Variants in ATP11A observed in about 807,000 individuals in gnomAD.
ATP11A encodes ATPase phospholipid transporting 11A, also known as phospholipid-transporting ATPase IH.
In ATP11A, 81 loss-of-function variants were observed where a neutral mutation model predicts 154.4. The observed-to-expected ratio is 0.52, with a 90% CI of 0.44 to 0.63. ATP11A has a LOEUF of 0.63. Ranked by LOEUF, ATP11A falls within the 30% of genes least tolerant of loss-of-function variation. The probability of loss-of-function intolerance (pLI) is 0.00; values close to 1 mark genes in which losing one functional copy is unlikely to be tolerated. For missense variants in ATP11A, 1,316 were observed against 1,474.3 expected, an observed-to-expected ratio of 0.89 and a Z score of 1.76; for synonymous variants, 623 against 585.9, an observed-to-expected ratio of 1.06 and a Z score of -0.91.
intron 1 of ATP11A, among the ~76,000 whole-genome samples, chr13:112,751,002 G>C (rs383426): frequency 0.57 from 86,781 of 152,086 alleles, 25,132 homozygotes; most frequent in African/African-American, 0.65. Context: ...TCCCACTTTA[G>C]AGATGGGAAT....
At position 112,883,412 on chromosome 13, in the gene ATP11A, G is replaced by A. The variant is rs149471516; in HGVS notation, c.*1546G>A. On this transcript the variant is annotated 3_prime_UTR_variant, in exon 30 of 30. Transcript: ENST00000375645. ...CTTTCAGGAAAGCACCACCAACGCT[G>A]GAGGAGGAGCCGGCCCTCACGCCCG... The A allele has an allele frequency of 1.3e-5, 5 of 387,338 alleles. No individual in the cohort carries two copies. The highest frequency in any genetic ancestry group is 1.8e-5 in the Non-Finnish European group (4 of 219,274). The allele number at this position is 387,338 out of a possible 1,614,324, so 24.0% of individuals were successfully genotyped here.
At chr13:112,714,617 G>A (rs979228151) in intron 1 of ATP11A, among the ~76,000 whole-genome samples, 8 of 152,220 alleles carry the variant, frequency 5.3e-5, no homozygotes, top group Admixed American at 3.3e-4. Flanking sequence ...TGGAATACGC[G>A]TTCTGCGTGA....
intron 24 of ATP11A, 103 bp downstream of exon 24, chr13:112,860,517 A>T: frequency 2.2e-6 from 3 of 1,393,228 alleles, no homozygotes; most frequent in South Asian, 2.6e-5. Flanking sequence ...GTTGAGGGCC[A>T]GAAGCATTCG....
rs552392043 is a variant in ATP11A at position 112,831,895 on chromosome 13, C to T, written c.1395+347C>T. On this transcript the variant is annotated intron_variant, in intron 13 of 29. Coordinates refer to ENST00000375645, the MANE Select transcript of ATP11A (RefSeq NM_015205.3). ...GTGCACACACACACATGCAGACACA[C>T]GCACTCACACATGCCCAGACACTGT... Among the ~76,000 whole-genome samples, 21 of 152,022 alleles carry T rather than the reference C, an allele frequency of 1.4e-4. No individual in the cohort carries two copies. The South Asian group carries it at 1.9e-3, about 14-fold the overall frequency.
chr13:112,826,080 G>A (rs921987031), intron 11 of ATP11A, among the ~76,000 whole-genome samples: 4 of 151,632 alleles, frequency 2.6e-5, no homozygotes, highest in Non-Finnish European at 5.9e-5. Flanking sequence ...CTATAGCAGG[G>A]CCGTGTGCAA....
intron 1 of ATP11A, among the ~76,000 whole-genome samples, chr13:112,750,804 C>G (rs1032330357): frequency 6.6e-6 from 1 of 152,228 alleles, no homozygotes; most frequent in Non-Finnish European, 1.5e-5. Context: ...GACTTCTGAC[C>G]TCTTCTGGGT....
Position 112,816,079 on chromosome 13 carries a change from G to A in ATP11A, c.442-4G>A, listed in dbSNP as rs763982979. The A allele has an allele frequency of 1.9e-6, 3 of 1,614,056 alleles. No homozygotes were observed. Among genetic ancestry groups the A allele is most frequent in the Admixed American group, 1.7e-5 (1 of 60,010 alleles). Reference sequence around the variant, plus strand: ...TTGACCATCCTTTCTGCTTTGTCCTGTAGGTTGGGGACATTGTCATGGTTA... The same window carrying A: ...TTGACCATCCTTTCTGCTTTGTCCTATAGGTTGGGGACATTGTCATGGTTA... On this transcript the variant is annotated splice_polypyrimidine_tract_variant and splice_region_variant and intron_variant, in intron 5 of 29. Coordinates refer to ENST00000375645, the MANE Select transcript of ATP11A (RefSeq NM_015205.3).
chr13:112,740,126 TTCTCTCTCTC>T (rs71208910), intron 1 of ATP11A, among the ~76,000 whole-genome samples: 2 of 142,376 alleles, frequency 1.4e-5, no homozygotes, highest in African/African-American at 5.2e-5. Context: ...AGCATGTGAA[TTCTCTCTCTC>T]TCTCTCTCTC....
At chr13:112,699,238 A>G (rs749501863) in intron 1 of ATP11A, among the ~76,000 whole-genome samples, 24 of 152,260 alleles carry the variant, frequency 1.6e-4, no homozygotes, top group Non-Finnish European at 2.5e-4. Context: ...CTCAAGGATA[A>G]AGACCACTTA....
intron 1 of ATP11A, among the ~76,000 whole-genome samples, chr13:112,734,651 C>A (rs540096082): frequency 6.6e-6 from 1 of 152,270 alleles, no homozygotes; most frequent in Admixed American, 6.5e-5. Flanking sequence ...CTGTACTTTT[C>A]ATAAATTAGT....
In ATP11A at chr13:112,785,517, G is replaced by T. The variant is rs191241611; in HGVS notation, c.162+260G>T. 1.2e-3 allele frequency among the ~76,000 whole-genome samples: 188 copies of T among 152,160 alleles called. No homozygotes were observed. In the East Asian group the frequency reaches 0.013, roughly 10 times the overall value. On this transcript the variant is annotated intron_variant, in intron 2 of 29. Transcript: ENST00000375645. The surrounding 1 kb of genome is among the most constrained non-coding windows in gnomAD (Gnocchi z 4.8). ...ATTCTCGGGTGACCGTGCCACAGAG[G>T]CAGTGCAGGTCTGAAGTCCAGGATC... is the stretch of plus-strand genomic sequence containing the variant.
chr13:112,722,470 GA>G (rs543512329), intron 1 of ATP11A, among the ~76,000 whole-genome samples: 40 of 152,292 alleles, frequency 2.6e-4, no homozygotes, highest in African/African-American at 9.6e-4. Flanking sequence ...GTTTCAGGGA[GA>G]ATGAATAGAT....
intron 2 of ATP11A, among the ~76,000 whole-genome samples, chr13:112,795,245 AAAAT>A (rs1166713984): frequency 6.6e-6 from 1 of 152,240 alleles, no homozygotes; most frequent in African/African-American, 2.4e-5. Flanking sequence ...ACTTCATCTC[AAAAT>A]AAATAAATAA....
chr13:112,711,481 G>A (rs1031341332), intron 1 of ATP11A, among the ~76,000 whole-genome samples: 4 of 151,852 alleles, frequency 2.6e-5, no homozygotes, highest in African/African-American at 7.3e-5. Flanking sequence ...AACTCAAAGG[G>A]GAGGAACCTG....
chr13:112,836,384 C>A, intron 16 of ATP11A, 133 bp downstream of exon 16: 2 of 532,558 alleles, frequency 3.8e-6, no homozygotes, highest in Non-Finnish European at 6.4e-6. Context: ...AAACTATAGA[C>A]AAATCCTCTC....
At chr13:112,735,263 T>C (rs966397920) in intron 1 of ATP11A, among the ~76,000 whole-genome samples, 2 of 152,136 alleles carry the variant, frequency 1.3e-5, no homozygotes, top group Admixed American at 1.3e-4. Context: ...GTTTCAAGAA[T>C]GTTGAGATTG....
In ATP11A at chr13:112,838,543, T is replaced by C. The variant is rs2079304422; in HGVS notation, c.1705+2292T>C. The stretch of plus-strand genomic sequence containing the variant: ...CCCCGGAGCTGGCCCTGCCACACGC[T>C]CACAAGGGGTTTTTGCTGCATCCTG... On this transcript the variant is annotated intron_variant, in intron 16 of 29. Coordinates refer to ENST00000375645, the MANE Select transcript of ATP11A (RefSeq NM_015205.3). This position sits in a 1 kb window ranked among gnomAD's most constrained non-coding sequence, Gnocchi z 7.3. 1.3e-5 allele frequency among the ~76,000 whole-genome samples: 2 copies of C among 152,184 alleles called. No homozygotes were observed. Among genetic ancestry groups the C allele is most frequent in the Admixed American group, 6.5e-5 (1 of 15,280 alleles).
At chr13:112,716,735 GC>G (rs1197319440) in intron 1 of ATP11A, among the ~76,000 whole-genome samples, 1 of 152,206 alleles carries the variant, frequency 6.6e-6, no homozygotes, top group Non-Finnish European at 1.5e-5. Context: ...CAGTGACGGG[GC>G]CCATCCTGGA....
intron 27 of ATP11A, among the ~76,000 whole-genome samples, chr13:112,874,562 G>A (rs77075768): frequency 0.023 from 3,538 of 152,270 alleles, 60 homozygotes; most frequent in Non-Finnish European, 0.039. Context: ...ACAGCCCTCT[G>A]CAGACCTGGG....
Sources: gnomAD v4.1 joint callset for allele counts (sites outside exome capture counted in the v4.1 genomes callset) on GRCh38, gnomAD v4.1.1 for gene constraint, Gnocchi (gnomAD v3.1) non-coding constraint, MANE v1.5 for transcripts, NCBI Gene and HGNC (gene_info 2026-07-23, HGNC 2026-07-21) for gene names.